WWOX: variants seen among roughly 807,000 people sequenced by gnomAD.
WWOX encodes WW domain containing oxidoreductase, also known as WW domain-containing oxidoreductase.
In WWOX, 69 loss-of-function variants were observed where a neutral mutation model predicts 46.2. The ratio of observed to expected loss-of-function variants is 1.49; its 90% CI spans 1.23 to 1.82. The LOEUF (loss-of-function observed/expected upper bound fraction) is 1.82, where lower values mean the gene tolerates loss of function less well. Among genes scored for constraint, WWOX ranks in the 40% most tolerant of loss-of-function variants. The pLI is 0.00. For missense variants in WWOX, 919 were observed against 542.6 expected (o/e 1.69, Z -6.89); for synonymous variants, 359 against 202.6 (o/e 1.77, Z -6.56).
chr16:79,122,820 C>T (rs967409519), intron 8 of WWOX, among the ~76,000 whole-genome samples: 2 of 152,144 alleles, frequency 1.3e-5, no homozygotes, highest in Non-Finnish European at 2.9e-5. Context: ...GAAGTGAGCT[C>T]AATGAAATAC....
chr16:79,187,316 C>G lies in WWOX; in HGVS notation c.1057-24292C>G, dbSNP rs556807043. ...ACTAGAAAGAATATCGTGGTGCCCC[C>G]AAACATGGATTTAACAAGCATTGAT... On this transcript the variant is annotated intron_variant, in intron 8 of 8. Coordinates refer to ENST00000566780, the MANE Select transcript of WWOX (RefSeq NM_016373.4). 2.6e-5 allele frequency among the ~76,000 whole-genome samples: 4 copies of G among 152,288 alleles called. No individual in the cohort carries two copies. In the South Asian group the frequency reaches 8.3e-4, roughly 32 times the overall value.
At chr16:78,190,465 C>A (rs2035850446) in intron 5 of WWOX, among the ~76,000 whole-genome samples, 1 of 152,308 alleles carries the variant, frequency 6.6e-6, no homozygotes, top group African/African-American at 2.4e-5. Flanking sequence ...ATCCAGTATA[C>A]CTAGTGACTC....
chr16:78,572,513 G>A (rs932458662), intron 8 of WWOX, among the ~76,000 whole-genome samples: 2 of 149,058 alleles, frequency 1.3e-5, no homozygotes, highest in Non-Finnish European at 3.0e-5. Context: ...TGAGGAGGGA[G>A]GACCTCTTGA....
intron 8 of WWOX, among the ~76,000 whole-genome samples, chr16:78,503,474 A>G (rs1009614565): frequency 1.3e-5 from 2 of 152,146 alleles, no homozygotes; most frequent in Admixed American, 1.3e-4. Flanking sequence ...TTTTTTGATC[A>G]AGGTGATTTT....
chr16:78,397,216 A>G (rs1220215612), intron 6 of WWOX, among the ~76,000 whole-genome samples: 1 of 152,216 alleles, frequency 6.6e-6, no homozygotes, highest in African/African-American at 2.4e-5. Flanking sequence ...GAAGCAGGTC[A>G]ATAAGACAAC....
chr16:78,454,539 T>A (rs2083771128), intron 8 of WWOX, among the ~76,000 whole-genome samples: 1 of 152,142 alleles, frequency 6.6e-6, no homozygotes, highest in Admixed American at 6.5e-5. Flanking sequence ...GAATTTCACT[T>A]TTGTTGCCCA....
At chr16:78,660,261 G>A (rs1446564853) in intron 8 of WWOX, among the ~76,000 whole-genome samples, 1 of 152,130 alleles carries the variant, frequency 6.6e-6, no homozygotes, top group Non-Finnish European at 1.5e-5. Context: ...GATGCGGACT[G>A]GCCACTGTGA....
At chr16:78,423,628 G>C (rs1221632337) in intron 6 of WWOX, among the ~76,000 whole-genome samples, 5 of 152,044 alleles carry the variant, frequency 3.3e-5, no homozygotes, top group Non-Finnish European at 7.4e-5. Flanking sequence ...AGGAACTCAA[G>C]ACCACCTTGA....
At chr16:78,109,188 A>C (rs1418318784) in intron 2 of WWOX, among the ~76,000 whole-genome samples, 1 of 152,170 alleles carries the variant, frequency 6.6e-6, no homozygotes, top group Non-Finnish European at 1.5e-5. Context: ...GATCCACGGA[A>C]TAGAAGTATA....
At chr16:78,879,791 C>T (rs896349692) in intron 8 of WWOX, among the ~76,000 whole-genome samples, 4 of 151,690 alleles carry the variant, frequency 2.6e-5, no homozygotes, top group African/African-American at 9.7e-5. Context: ...GCAGGAGAGT[C>T]GCTTGAACTT....
intron 5 of WWOX, among the ~76,000 whole-genome samples, chr16:78,236,667 G>A (rs989498051): frequency 6.6e-6 from 1 of 152,136 alleles, no homozygotes; most frequent in Non-Finnish European, 1.5e-5. Flanking sequence ...CCATGAACCT[G>A]TATATCAAAA....
intron 8 of WWOX, among the ~76,000 whole-genome samples, chr16:78,791,748 C>T (rs917831358): frequency 3.9e-5 from 6 of 152,096 alleles, no homozygotes; most frequent in East Asian, 1.9e-4. Flanking sequence ...GATTTGGTGG[C>T]GCCTGCCTAT....
At chr16:78,421,079 G>T (rs1377637862) in intron 6 of WWOX, among the ~76,000 whole-genome samples, 2 of 152,100 alleles carry the variant, frequency 1.3e-5, no homozygotes, top group African/African-American at 4.8e-5. Flanking sequence ...TGTCATTATG[G>T]ATTCTTGGGC....
chr16:79,156,684 G>A (rs552159761), intron 8 of WWOX, among the ~76,000 whole-genome samples: 2 of 152,096 alleles, frequency 1.3e-5, no homozygotes, highest in South Asian at 4.2e-4. Flanking sequence ...ACAGATTTTA[G>A]GGTTTACAGC....
rs149633992 is a variant in WWOX at position 78,716,697 on chromosome 16, C to T, written c.1056+283945C>T. Among the ~76,000 whole-genome samples the T allele has an allele frequency of 7.1e-3, 1,074 of 152,034 alleles. 7 individuals are homozygous for T. Among genetic ancestry groups the T allele is most frequent in the African/African-American group, 0.025 (1,031 of 41,470 alleles). ...TCACACCCAAGGAGAATCATGGGAC[C>T]ACCTCCAGAGAGATTTTCTTAGAGG... On this transcript the variant is annotated intron_variant, in intron 8 of 8. Transcript: ENST00000566780.
intron 5 of WWOX, among the ~76,000 whole-genome samples, chr16:78,268,905 A>G (rs1311888056): frequency 6.6e-6 from 1 of 152,164 alleles, no homozygotes; most frequent in African/African-American, 2.4e-5. Flanking sequence ...CTATTCCTTC[A>G]TCTAATTCTA....
At chr16:78,306,480 CA>C (rs1355818138) in intron 5 of WWOX, among the ~76,000 whole-genome samples, 1 of 152,150 alleles carries the variant, frequency 6.6e-6, no homozygotes, top group Non-Finnish European at 1.5e-5. Context: ...GCACCTTTCC[CA>C]AAGGCAGGCC....
At position 78,395,655 on chromosome 16, in the gene WWOX, G is replaced by A. The variant is rs141476150; in HGVS notation, c.605+8707G>A. 1.1e-4 allele frequency among the ~76,000 whole-genome samples: 16 copies of A among 152,302 alleles called. 1 individual carries two copies. The highest frequency in any genetic ancestry group is 6.8e-3 in the Middle Eastern group (2 of 294). On this transcript the variant is annotated intron_variant, in intron 6 of 8. Coordinates refer to ENST00000566780, the MANE Select transcript of WWOX (RefSeq NM_016373.4). ...CTTCACATTGCCTGCAAGCTCTAGG[G>A]TGACAAGAGCCAAGAGAAATTATTG...
chr16:78,154,818 G>A (rs1478664233), intron 4 of WWOX, among the ~76,000 whole-genome samples: 2 of 152,174 alleles, frequency 1.3e-5, no homozygotes, highest in Non-Finnish European at 2.9e-5. Flanking sequence ...TGTTCTTTGA[G>A]ATTCGGTGAT....
Sources: allele counts gnomAD v4.1 joint callset (sites outside exome capture counted in the v4.1 genomes callset), GRCh38; gene constraint gnomAD v4.1.1; transcripts MANE v1.5; gene names NCBI Gene and HGNC (gene_info 2026-07-23, HGNC 2026-07-21).